PEDS1: variants seen among roughly 807,000 people sequenced by gnomAD.
PEDS1 encodes the protein CarF homolog.
A neutral mutation model predicts 35.2 loss-of-function variants in PEDS1; 14 were observed. That is an observed-to-expected ratio of 0.40 (90% CI 0.26 to 0.62). The LOEUF (loss-of-function observed/expected upper bound fraction) is 0.62. PEDS1 is among the 20% of genes least tolerant of loss of function. The probability of loss-of-function intolerance (pLI) is 0.44; values close to 1 mark genes in which losing one functional copy is unlikely to be tolerated. For missense variants in PEDS1, 260 were observed against 367.8 expected (o/e 0.71, Z 2.40); for synonymous variants, 152 against 152.0 (o/e 1.00, Z 0.00).
chr20:50,145,871 T>C (rs562310389), intron 1 of PEDS1, among the ~76,000 whole-genome samples: 1 of 152,284 alleles, frequency 6.6e-6, no homozygotes, highest in South Asian at 2.1e-4. Context: ...GCTGAAGTGA[T>C]GTCCTTTTGC....
In PEDS1 at chr20:50,128,502, C is replaced by T. The variant is rs977493498; in HGVS notation, c.479-315G>A. Reference sequence around the variant, plus strand: ...CATTTCTTGGCAGTATGGGCTGGATCGGTGACTCTGCCTCTAAGAAGCTTA... The same window carrying T: ...CATTTCTTGGCAGTATGGGCTGGATTGGTGACTCTGCCTCTAAGAAGCTTA... On this transcript the variant is annotated intron_variant, in intron 4 of 5. Coordinates refer to ENST00000371652, the MANE Select transcript of PEDS1 (RefSeq NM_199129.4). The surrounding 1 kb of genome is among the most constrained non-coding windows in gnomAD (Gnocchi z 5.2). Among the ~76,000 whole-genome samples, 4 of 152,162 alleles carry T rather than the reference C, an allele frequency of 2.6e-5. No homozygotes were observed. Among genetic ancestry groups the T allele is most frequent in the Non-Finnish European group, 5.9e-5 (4 of 68,044 alleles).
intron 2 of PEDS1, among the ~76,000 whole-genome samples, chr20:50,131,770 C>A (rs2081183192): frequency 6.7e-6 from 1 of 150,056 alleles, no homozygotes; most frequent in Non-Finnish European, 1.5e-5. Context: ...GGAACTTGAG[C>A]AGGGTTCCCT....
chr20:50,128,858 C>T lies in PEDS1; in HGVS notation c.479-671G>A, dbSNP rs2081141970. ...GAGACAGGTGGGACCTCCCCTCCAT[C>T]CCTGGAGAAGCTGGGAGCTGTCAGC... On this transcript the variant is annotated intron_variant, in intron 4 of 5. Coordinates refer to ENST00000371652, the MANE Select transcript of PEDS1 (RefSeq NM_199129.4). The surrounding 1 kb of genome is among the most constrained non-coding windows in gnomAD (Gnocchi z 5.2). Among the ~76,000 whole-genome samples, 1 of 152,160 alleles carries T rather than the reference C, an allele frequency of 6.6e-6. No individual in the cohort carries two copies. The highest frequency in any genetic ancestry group is 6.5e-5 in the Admixed American group (1 of 15,284).
In PEDS1 at chr20:50,143,634, G is replaced by A; in HGVS notation, c.122-13C>T. The A allele has an allele frequency of 6.2e-7, 1 of 1,613,964 alleles. No homozygotes were observed. ...TGGAGGCGCTTGCCTGCAGGGAGCA[G>A]AGGCGAGAGGTAAAGGCTGGAAGGT... is the stretch of plus-strand genomic sequence containing the variant. On this transcript the variant is annotated splice_polypyrimidine_tract_variant and intron_variant, in intron 1 of 5. Transcript: ENST00000371652.
At chr20:50,140,139 T>C (rs1601224247) in intron 2 of PEDS1, among the ~76,000 whole-genome samples, 1 of 152,242 alleles carries the variant, frequency 6.6e-6, no homozygotes, top group Non-Finnish European at 1.5e-5. Flanking sequence ...TAATTCTCTC[T>C]CACCTCCACA....
At chr20:50,135,611 T>G (rs2081225646) in intron 2 of PEDS1, among the ~76,000 whole-genome samples, 1 of 126,654 alleles carries the variant, frequency 7.9e-6, no homozygotes, top group Non-Finnish European at 1.5e-5. Flanking sequence ...TGAGCTGAGA[T>G]CACGCCATTG....
chr20:50,146,978 C>A (rs962404705), intron 1 of PEDS1, among the ~76,000 whole-genome samples: 21 of 152,152 alleles, frequency 1.4e-4, no homozygotes, highest in Admixed American at 4.6e-4. Context: ...AAGCAGAAAA[C>A]CCCGAGTGGG....
rs549595738 is a variant in PEDS1, at chr20:50,143,249, A to G, written c.241+253T>C. On this transcript the variant is annotated intron_variant, in intron 2 of 5. Coordinates refer to ENST00000371652, the MANE Select transcript of PEDS1 (RefSeq NM_199129.4). ...CTCATGCAGTTTGAAAGTAGAGTTAACAGCATTTGCTGATGGTTTGGATGT... is the reference window on the plus strand; with the variant it reads ...CTCATGCAGTTTGAAAGTAGAGTTAGCAGCATTTGCTGATGGTTTGGATGT... 3.9e-5 allele frequency among the ~76,000 whole-genome samples: 6 copies of G among 152,256 alleles called. No homozygotes were observed. In the South Asian group the frequency reaches 1.2e-3, roughly 32 times the overall value.
chr20:50,136,401 A>G (rs2081234549), intron 2 of PEDS1, among the ~76,000 whole-genome samples: 2 of 152,182 alleles, frequency 1.3e-5, no homozygotes, highest in Admixed American at 1.3e-4. Flanking sequence ...CTGTGTACAG[A>G]GACCTCCTTC....
At chr20:50,125,592 CATT>C (rs765349668) in intron 5 of PEDS1, among the ~76,000 whole-genome samples, 7 of 141,040 alleles carry the variant, frequency 5.0e-5, no homozygotes, top group African/African-American at 1.9e-4. Context: ...ATCTATCTAT[CATT>C]TATCTATCTA....
rs2081382873 is a variant in PEDS1, at chr20:50,149,737, CACATG to C, written c.121+3775_121+3779del. On this transcript the variant is annotated intron_variant, in intron 1 of 5. Transcript: ENST00000371652. ...CCCATTCTCTGCCACCTGCCCTGCA[CACATG>C]CTGTTCTGATGATCCGGAATACTCG... is the stretch of plus-strand genomic sequence containing the variant. Among the ~76,000 whole-genome samples the C allele has an allele frequency of 2.6e-5, 4 of 152,312 alleles. No homozygotes were observed. The South Asian group carries it at 8.3e-4, about 32-fold the overall frequency.
At chr20:50,141,951 A>G (rs2081295542) in intron 2 of PEDS1, among the ~76,000 whole-genome samples, 1 of 152,230 alleles carries the variant, frequency 6.6e-6, no homozygotes, top group African/African-American at 2.4e-5. Context: ...AGGAAGGGCC[A>G]GGCAGGACCA....
intron 1 of PEDS1, among the ~76,000 whole-genome samples, chr20:50,144,393 A>G (rs2081325988): frequency 6.6e-6 from 1 of 152,148 alleles, no homozygotes; most frequent in South Asian, 2.1e-4. Flanking sequence ...CACCCTGCCC[A>G]GCCTCCCTCA....
Position 50,136,951 on chromosome 20 carries a change from A to G in PEDS1, c.242-6004T>C, listed in dbSNP as rs552712989. 9.9e-5 allele frequency among the ~76,000 whole-genome samples: 15 copies of G among 151,504 alleles called. No homozygotes were observed. The East Asian group carries it at 2.9e-3, about 29-fold the overall frequency. ...GAGGCTGAAGTGGGAGGACTGCTTG[A>G]GCCTGGGAGGTTGAGGCTCCAGTGA... On this transcript the variant is annotated intron_variant, in intron 2 of 5. Transcript: ENST00000371652.
In PEDS1 at chr20:50,149,777, C is replaced by G. The variant is rs34602616; in HGVS notation, c.121+3740G>C. 2.6e-5 allele frequency among the ~76,000 whole-genome samples: 4 copies of G among 152,288 alleles called. No homozygotes were observed. The South Asian group carries it at 8.3e-4, about 32-fold the overall frequency. On this transcript the variant is annotated intron_variant, in intron 1 of 5. Transcript: ENST00000371652. ...TGATCCGGAATACTCGCCCCCACCT[C>G]CCACACACTCACCCCTGGCTGGCTG...
At chr20:50,131,142 G>A (rs2081174640) in intron 2 of PEDS1, 195 bp from the exon 3 acceptor site, 1 of 1,388,388 alleles carries the variant, frequency 7.2e-7, no homozygotes, top group Non-Finnish European at 1.0e-6. Context: ...GCTGTGCTCG[G>A]GGAGATGCCA....
intron 2 of PEDS1, among the ~76,000 whole-genome samples, chr20:50,139,488 A>C (rs1228720427): frequency 6.8e-6 from 1 of 147,368 alleles, no homozygotes; most frequent in Non-Finnish European, 1.5e-5. Flanking sequence ...TGGCCCCTGC[A>C]AGCCCTCCCT....
chr20:50,137,925 A>G (rs1008523799), intron 2 of PEDS1, among the ~76,000 whole-genome samples: 10 of 152,164 alleles, frequency 6.6e-5, no homozygotes, highest in African/African-American at 2.4e-4. Flanking sequence ...CATGACAACT[A>G]AAGGCCATGT....
intron 3 of PEDS1, among the ~76,000 whole-genome samples, chr20:50,130,348 C>G (rs1290865394): frequency 2.0e-5 from 3 of 152,180 alleles, no homozygotes; most frequent in African/African-American, 7.2e-5. Flanking sequence ...AGAAAGCACA[C>G]TGGCCACCTT....
Sources: allele counts gnomAD v4.1 joint callset (sites outside exome capture counted in the v4.1 genomes callset), GRCh38; gene constraint gnomAD v4.1.1; non-coding constraint Gnocchi (gnomAD v3.1); transcripts MANE v1.5; gene names NCBI Gene and HGNC (gene_info 2026-07-23, HGNC 2026-07-21).